Variants in ATP9B observed in about 807,000 individuals in gnomAD.
ATP9B encodes the protein probable phospholipid-transporting ATPase IIB.
Under a neutral mutation model 146.1 loss-of-function variants are expected in ATP9B, and 110 were observed. That is an observed-to-expected ratio of 0.75 (90% CI 0.65 to 0.88). ATP9B has a LOEUF of 0.88. Ranked by LOEUF, ATP9B falls within the 40% of genes least tolerant of loss-of-function variation. ATP9B has a pLI of 0.00. For synonymous variants in ATP9B, 604 were observed against 569.7 expected, an observed-to-expected ratio of 1.06 and a Z score of -0.86; for missense variants, 1,499 against 1,496.4, an observed-to-expected ratio of 1.00 and a Z score of -0.03.
At chr18:79,312,096 ACGCGCCTT>A (rs560940036) in intron 15 of ATP9B, among the ~76,000 whole-genome samples, 49 of 152,180 alleles carry the variant, frequency 3.2e-4, no homozygotes, top group Middle Eastern at 3.4e-3. Context: ...CGGTCTGCTC[ACGCGCCTT>A]CGCCGAGGTG....
At chr18:79,189,034 A>T (rs112268210) in intron 8 of ATP9B, among the ~76,000 whole-genome samples, 5 of 152,068 alleles carry the variant, frequency 3.3e-5, no homozygotes, top group African/African-American at 1.2e-4. Context: ...AAATTGTACC[A>T]TTTCACATAA....
At chr18:79,316,400 C>T (rs369366229) in intron 15 of ATP9B, among the ~76,000 whole-genome samples, 9 of 152,164 alleles carry the variant, frequency 5.9e-5, no homozygotes, top group East Asian at 3.8e-4. Flanking sequence ...GAATCTGAGC[C>T]GCACACCTGA....
chr18:79,183,578 A>T (rs2095273745), intron 8 of ATP9B, among the ~76,000 whole-genome samples: 1 of 152,086 alleles, frequency 6.6e-6, no homozygotes, highest in Non-Finnish European at 1.5e-5. Context: ...TACTTCGTTT[A>T]TAGTTTCTGT....
chr18:79,370,182 C>A lies in ATP9B; in HGVS notation c.3013-2643C>A, dbSNP rs796421876. 2.0e-5 allele frequency among the ~76,000 whole-genome samples: 3 copies of A among 152,082 alleles called. No homozygotes were observed. The South Asian group carries it at 6.2e-4, about 32-fold the overall frequency. ...ATGATAGAAATATACTTTCTGAATCCGTAATATTTAATGGTAAATATAACA... is the reference window on the plus strand; with the variant it reads ...ATGATAGAAATATACTTTCTGAATCAGTAATATTTAATGGTAAATATAACA... On this transcript the variant is annotated intron_variant, in intron 26 of 29. Coordinates refer to ENST00000426216, the MANE Select transcript of ATP9B (RefSeq NM_198531.5).
At chr18:79,081,967 G>T (rs767068495) in intron 1 of ATP9B, among the ~76,000 whole-genome samples, 3 of 152,084 alleles carry the variant, frequency 2.0e-5, no homozygotes, top group Non-Finnish European at 2.9e-5. Flanking sequence ...TTGCTAGGTT[G>T]GGGAAGTTCT....
At chr18:79,218,121 C>T (rs1035128492) in intron 11 of ATP9B, among the ~76,000 whole-genome samples, 1 of 152,244 alleles carries the variant, frequency 6.6e-6, no homozygotes, top group Non-Finnish European at 1.5e-5. Flanking sequence ...TTCTCATGTT[C>T]CAGGTCCGGC....
chr18:79,262,648 A>G (rs2096155105), intron 12 of ATP9B, among the ~76,000 whole-genome samples: 1 of 152,156 alleles, frequency 6.6e-6, no homozygotes. Context: ...GTGACAGGAA[A>G]CCTGGTTAAT....
chr18:79,122,326 G>C (rs2094203737), intron 4 of ATP9B, among the ~76,000 whole-genome samples: 1 of 152,072 alleles, frequency 6.6e-6, no homozygotes. Context: ...TCTCTTACGT[G>C]GGAATAGCTG....
intron 6 of ATP9B, 98 bp downstream of exon 6, chr18:79,143,958 T>C (rs2094546155): frequency 5.8e-6 from 4 of 692,270 alleles, no homozygotes; most frequent in East Asian, 5.7e-5. Context: ...AATTGAGACA[T>C]GTATTTTGAA....
At chr18:79,137,986 C>G (rs1025493450) in intron 5 of ATP9B, among the ~76,000 whole-genome samples, 8 of 152,172 alleles carry the variant, frequency 5.3e-5, no homozygotes, top group African/African-American at 1.9e-4. Flanking sequence ...GGGTTAAGTA[C>G]TGTCTTCAGA....
intron 7 of ATP9B, among the ~76,000 whole-genome samples, chr18:79,174,863 T>C (rs1400762723): frequency 6.6e-6 from 1 of 152,142 alleles, no homozygotes; most frequent in East Asian, 1.9e-4. Context: ...TCTCTTTTAG[T>C]GATGAATAAA....
At chr18:79,312,245 G>A (rs968188716) in intron 15 of ATP9B, among the ~76,000 whole-genome samples, 5 of 152,218 alleles carry the variant, frequency 3.3e-5, no homozygotes, top group African/African-American at 4.8e-5. Context: ...ATTGGGTGGT[G>A]CCTTCTATGG....
intron 4 of ATP9B, among the ~76,000 whole-genome samples, chr18:79,118,404 T>G (rs1392152590): frequency 7.5e-4 from 99 of 132,430 alleles, no homozygotes; most frequent in African/African-American, 2.3e-3. Flanking sequence ...TTTTTTTTTT[T>G]TTTTTTTTTT....
chr18:79,269,141 G>A (rs1241991182), intron 12 of ATP9B, among the ~76,000 whole-genome samples: 3 of 152,098 alleles, frequency 2.0e-5, no homozygotes, highest in Admixed American at 1.3e-4. Flanking sequence ...ATGCTGCCCC[G>A]TCCCCACCTG....
intron 11 of ATP9B, among the ~76,000 whole-genome samples, chr18:79,219,148 G>A (rs751659128): frequency 1.2e-4 from 18 of 152,176 alleles, no homozygotes; most frequent in African/African-American, 1.9e-4. Context: ...TTTTAGCAAC[G>A]AGGAAATCTT....
At chr18:79,374,695 C>T (rs1453858806) in intron 28 of ATP9B, among the ~76,000 whole-genome samples, 2 of 152,242 alleles carry the variant, frequency 1.3e-5, no homozygotes, top group African/African-American at 2.4e-5. Context: ...TGAACCTGTA[C>T]GTAGGAAAAT....
chr18:79,321,510 A>G (rs2096716033), intron 15 of ATP9B, among the ~76,000 whole-genome samples: 1 of 151,940 alleles, frequency 6.6e-6, no homozygotes, highest in Non-Finnish European at 1.5e-5. Flanking sequence ...AGCCCCCCAA[A>G]TAGCTGGGAT....
At chr18:79,163,731 C>T (rs866796025) in intron 7 of ATP9B, among the ~76,000 whole-genome samples, 2 of 150,722 alleles carry the variant, frequency 1.3e-5, no homozygotes, top group Admixed American at 6.6e-5. Flanking sequence ...TATATGTATG[C>T]GTGTGTGTAT....
At chr18:79,204,719 CA>C (rs2095518659) in intron 9 of ATP9B, among the ~76,000 whole-genome samples, 1 of 152,214 alleles carries the variant, frequency 6.6e-6, no homozygotes, top group Non-Finnish European at 1.5e-5. Flanking sequence ...GGAGTCAGCA[CA>C]TACTGTAGAC....
Sources: allele counts gnomAD v4.1 joint callset (sites outside exome capture counted in the v4.1 genomes callset), GRCh38; gene constraint gnomAD v4.1.1; transcripts MANE v1.5; gene names NCBI Gene and HGNC (gene_info 2026-07-23, HGNC 2026-07-21).